EIF3H: variants seen among roughly 807,000 people sequenced by gnomAD.
EIF3H encodes the protein eukaryotic translation initiation factor 3 subunit H.
In EIF3H, 26 loss-of-function variants were observed where a neutral mutation model predicts 44.2. The observed-to-expected ratio is 0.59, with a 90% CI of 0.43 to 0.82. The LOEUF is 0.82. Ranked by LOEUF, EIF3H falls within the 40% of genes least tolerant of loss-of-function variation. The pLI is 0.00. For missense variants in EIF3H, 359 were observed against 432.8 expected, an observed-to-expected ratio of 0.83 and a Z score of 1.51; for synonymous variants, 166 against 151.9, an observed-to-expected ratio of 1.09 and a Z score of -0.68.
chr8:116,674,027 G>A (rs535873181), intron 2 of EIF3H, among the ~76,000 whole-genome samples: 8 of 116,362 alleles, frequency 6.9e-5, no homozygotes, highest in South Asian at 2.9e-4. Context: ...CCGAGATCTC[G>A]CCACTGCACT....
intron 2 of EIF3H, among the ~76,000 whole-genome samples, chr8:116,707,024 T>C (rs1383091231): frequency 6.6e-6 from 1 of 152,222 alleles, no homozygotes; most frequent in Non-Finnish European, 1.5e-5. Flanking sequence ...GCACTTGTAT[T>C]TTATTTGGTT....
At chr8:116,681,085 AGGCGTGGT>A (rs1299683896) in intron 2 of EIF3H, among the ~76,000 whole-genome samples, 4 of 152,148 alleles carry the variant, frequency 2.6e-5, no homozygotes, top group Admixed American at 6.5e-5. Context: ...AAAACTGGCC[AGGCGTGGT>A]GGCTCACACC....
chr8:116,693,768 G>C (rs753373116), intron 2 of EIF3H, among the ~76,000 whole-genome samples: 17 of 151,964 alleles, frequency 1.1e-4, no homozygotes, highest in Non-Finnish European at 1.6e-4. Flanking sequence ...CTGCAGCTCT[G>C]AATTCCTTAA....
intron 1 of EIF3H, among the ~76,000 whole-genome samples, chr8:116,739,213 T>C (rs1003339349): frequency 3.9e-5 from 6 of 152,248 alleles, no homozygotes; most frequent in Admixed American, 3.3e-4. Context: ...CTTAAGGACA[T>C]GCTCAAGTCT....
intron 2 of EIF3H, among the ~76,000 whole-genome samples, chr8:116,702,368 T>A (rs1162947401): frequency 6.6e-6 from 1 of 152,202 alleles, no homozygotes; most frequent in Non-Finnish European, 1.5e-5. Context: ...CCCACATATA[T>A]CATATCAACC....
chr8:116,705,729 G>A lies in EIF3H; in HGVS notation c.289+20287C>T, dbSNP rs184287677. 2.6e-5 allele frequency among the ~76,000 whole-genome samples: 4 copies of A among 152,144 alleles called. No homozygotes were observed. The East Asian group carries it at 5.8e-4, about 22-fold the overall frequency. Reference sequence around the variant, plus strand: ...AGGGGCCTAAGGAGACATAACCAGCGCAACGTGGTATTCTAGACTGGATCC... The same window carrying A: ...AGGGGCCTAAGGAGACATAACCAGCACAACGTGGTATTCTAGACTGGATCC... On this transcript the variant is annotated intron_variant, in intron 2 of 7. Transcript: ENST00000521861.
At chr8:116,748,466 G>A (rs2130981795) in intron 1 of EIF3H, among the ~76,000 whole-genome samples, 1 of 152,284 alleles carries the variant, frequency 6.6e-6, no homozygotes, top group Admixed American at 6.5e-5. Context: ...AAGCTAACTA[G>A]CTTATCCTCA....
chr8:116,723,583 G>A (rs1253282137), intron 2 of EIF3H, among the ~76,000 whole-genome samples: 2 of 152,204 alleles, frequency 1.3e-5, no homozygotes, highest in Non-Finnish European at 2.9e-5. Context: ...TTTCACTTTA[G>A]CAAGCATATA....
At chr8:116,758,927 G>A (rs1389070673), upstream of EIF3H, among the ~76,000 whole-genome samples, 1 of 152,156 alleles carries the variant, frequency 6.6e-6, no homozygotes, top group Non-Finnish European at 1.5e-5. Context: ...AAGGAAATGT[G>A]TCAAATCCAT....
At chr8:116,725,628 T>A (rs565824127) in intron 2 of EIF3H, among the ~76,000 whole-genome samples, 1 of 152,288 alleles carries the variant, frequency 6.6e-6, no homozygotes, top group East Asian at 1.9e-4. Context: ...AGCAGAAAAT[T>A]GAACTCCATC....
At chr8:116,707,693 G>T (rs1313665294) in intron 2 of EIF3H, among the ~76,000 whole-genome samples, 1 of 151,908 alleles carries the variant, frequency 6.6e-6, no homozygotes, top group Non-Finnish European at 1.5e-5. Flanking sequence ...TATCAGTAAA[G>T]CCCTCATTAT....
Position 116,726,185 on chromosome 8 carries a change from C to G in EIF3H, c.133-13G>C. On this transcript the variant is annotated splice_polypyrimidine_tract_variant and intron_variant, in intron 1 of 7. Transcript: ENST00000521861. ...TCTTTAATACCACCTAAAACATACA[C>G]ACACAGAAGGGAGCTTAACAACCAT... The G allele has an allele frequency of 6.2e-7, 1 of 1,608,014 alleles. No individual in the cohort carries two copies.
At chr8:116,764,010 A>G (rs1363075026) in intron 1 of EIF3H, among the ~76,000 whole-genome samples, 1 of 152,192 alleles carries the variant, frequency 6.6e-6, no homozygotes, top group Non-Finnish European at 1.5e-5. Flanking sequence ...GAAGAAAAAA[A>G]CTTCAAAATC....
At chr8:116,740,393 T>C (rs1456758379) in intron 1 of EIF3H, among the ~76,000 whole-genome samples, 2 of 152,000 alleles carry the variant, frequency 1.3e-5, no homozygotes, top group Admixed American at 1.3e-4. Flanking sequence ...TGCCACTCCT[T>C]GCTGCTTCTA....
At chr8:116,730,790 T>C (rs1232053213) in intron 1 of EIF3H, among the ~76,000 whole-genome samples, 1 of 152,232 alleles carries the variant, frequency 6.6e-6, no homozygotes, top group Non-Finnish European at 1.5e-5. Context: ...AAAATATATT[T>C]TGCTGAAGGA....
chr8:116,742,703 A>T (rs1410489737), intron 1 of EIF3H, among the ~76,000 whole-genome samples: 1 of 152,208 alleles, frequency 6.6e-6, no homozygotes, highest in Non-Finnish European at 1.5e-5. Context: ...TCTCATTATA[A>T]TTTGTTTCTG....
intron 1 of EIF3H, among the ~76,000 whole-genome samples, chr8:116,764,155 T>C (rs909493840): frequency 1.4e-4 from 22 of 152,208 alleles, no homozygotes; most frequent in African/African-American, 5.3e-4. Context: ...GCATGGAAAA[T>C]GTCCAGTGGA....
At chr8:116,687,062 A>C (rs144845433) in intron 2 of EIF3H, among the ~76,000 whole-genome samples, 19 of 152,266 alleles carry the variant, frequency 1.2e-4, no homozygotes, top group Non-Finnish European at 2.1e-4. Context: ...GCTGTAAGAC[A>C]TTACCTAGGA....
intron 2 of EIF3H, among the ~76,000 whole-genome samples, chr8:116,671,260 A>G (rs1467091706): frequency 6.6e-6 from 1 of 152,238 alleles, no homozygotes; most frequent in African/African-American, 2.4e-5. Context: ...CGTTCAATGT[A>G]GTATCCACTG....
Sources: allele counts gnomAD v4.1 joint callset (sites outside exome capture counted in the v4.1 genomes callset), GRCh38; gene constraint gnomAD v4.1.1; transcripts MANE v1.5; gene names NCBI Gene and HGNC (gene_info 2026-07-23, HGNC 2026-07-21).